The following CDH20 variants were observed in gnomAD, a reference collection of about 807,000 sequenced individuals.
CDH20 encodes the protein cadherin-20.
In CDH20, 29 loss-of-function variants were observed where a neutral mutation model predicts 74.2. The ratio of observed to expected loss-of-function variants is 0.39; its 90% CI spans 0.29 to 0.53. The LOEUF (loss-of-function observed/expected upper bound fraction) is 0.53, where lower values mean the gene tolerates loss of function less well. Ranked by LOEUF, CDH20 falls within the 20% of genes least tolerant of loss-of-function variation. The pLI is 0.69. For synonymous variants in CDH20, 469 were observed against 405.4 expected, an observed-to-expected ratio of 1.16 and a Z score of -1.88; for missense variants, 988 against 1,048.3, an observed-to-expected ratio of 0.94 and a Z score of 0.79.
chr18:61,492,306 C>A (rs1347256281), intron 2 of CDH20, among the ~76,000 whole-genome samples: 1 of 152,120 alleles, frequency 6.6e-6, no homozygotes, highest in African/African-American at 2.4e-5. Context: ...CCAAATCCTG[C>A]ATTTCTCTTA....
intron 1 of CDH20, among the ~76,000 whole-genome samples, chr18:61,368,564 T>G (rs1689763978): frequency 6.6e-6 from 1 of 151,990 alleles, no homozygotes; most frequent in African/African-American, 2.4e-5. Context: ...AAAACAAAAA[T>G]TTTTGGACAT....
intron 1 of CDH20, among the ~76,000 whole-genome samples, chr18:61,477,938 C>A (rs1910449573): frequency 6.6e-6 from 1 of 152,146 alleles, no homozygotes; most frequent in African/African-American, 2.4e-5. Context: ...CGGTGGCTCA[C>A]TCCTGTAATC....
chr18:61,429,653 C>G (rs936407294), intron 1 of CDH20, among the ~76,000 whole-genome samples: 1 of 152,148 alleles, frequency 6.6e-6, no homozygotes, highest in African/African-American at 2.4e-5. Context: ...CACCTCTTCT[C>G]CCCAGCACAC....
At chr18:61,534,032 AT>A (rs146807517) in intron 7 of CDH20, among the ~76,000 whole-genome samples, 19,065 of 152,182 alleles carry the variant, frequency 0.13, 1,480 homozygotes, top group Non-Finnish European at 0.17. Flanking sequence ...TTGTAATATT[AT>A]TTCAAAATTA....
At chr18:61,416,198 A>G (rs190931880) in intron 1 of CDH20, among the ~76,000 whole-genome samples, 38 of 152,336 alleles carry the variant, frequency 2.5e-4, no homozygotes, top group African/African-American at 9.1e-4. Flanking sequence ...GGCTTTGAAT[A>G]AATAATAACT....
At chr18:61,370,441 T>C (rs1910996550) in intron 1 of CDH20, among the ~76,000 whole-genome samples, 1 of 152,134 alleles carries the variant, frequency 6.6e-6, no homozygotes, top group Admixed American at 6.6e-5. Flanking sequence ...TTTTCATAAT[T>C]GATATTTTAA....
At chr18:61,510,980 C>CTTTTTTTTTTTTTTT (rs112741210) in intron 6 of CDH20, among the ~76,000 whole-genome samples, 7 of 135,988 alleles carry the variant, frequency 5.1e-5, no homozygotes, top group East Asian at 2.2e-4. Flanking sequence ...TTCTTTCTTT[C>CTTTTTTTTTTTTTTT]TTTTTTTTTT....
chr18:61,342,085 A>C (rs1212916344), intron 1 of CDH20, among the ~76,000 whole-genome samples: 1 of 152,200 alleles, frequency 6.6e-6, no homozygotes. Flanking sequence ...GGAGCTGGCT[A>C]ACATTTGAAG....
rs1911033353 is a variant in CDH20 at position 61,371,395 on chromosome 18, T to C, written c.-153+37568T>C. On this transcript the variant is annotated intron_variant, in intron 1 of 11. Transcript: ENST00000262717. ...TTATAGGTGCTGTATAGTGAATCAC[T>C]ACAATCTTCTTTGAGGTTGTTATCC... Among the ~76,000 whole-genome samples the C allele has an allele frequency of 2.6e-5, 4 of 152,192 alleles. No homozygotes were observed. In the South Asian group the frequency reaches 8.3e-4, roughly 32 times the overall value.
At chr18:61,429,925 C>G (rs1599079631) in intron 1 of CDH20, among the ~76,000 whole-genome samples, 1 of 152,256 alleles carries the variant, frequency 6.6e-6, no homozygotes, top group South Asian at 2.1e-4. Flanking sequence ...TGTAAGCATC[C>G]TGACACTTTG....
intron 1 of CDH20, among the ~76,000 whole-genome samples, chr18:61,423,836 T>C (rs1912975762): frequency 6.6e-6 from 1 of 152,238 alleles, no homozygotes; most frequent in Non-Finnish European, 1.5e-5. Flanking sequence ...TGACAGTGTT[T>C]TATAGTTTTC....
intron 1 of CDH20, among the ~76,000 whole-genome samples, chr18:61,478,059 C>T (rs766350428): frequency 2.4e-4 from 37 of 151,964 alleles, no homozygotes; most frequent in East Asian, 7.7e-4. Context: ...GTTAGTCAGA[C>T]GTGGTGGCAC....
intron 1 of CDH20, among the ~76,000 whole-genome samples, chr18:61,365,708 G>T (rs1910834791): frequency 6.6e-6 from 1 of 152,084 alleles, no homozygotes. Flanking sequence ...TGTAGTTCTA[G>T]TAGGTTTACA....
intron 1 of CDH20, among the ~76,000 whole-genome samples, chr18:61,471,617 C>T (rs1910180242): frequency 6.6e-6 from 1 of 152,132 alleles, no homozygotes; most frequent in South Asian, 2.1e-4. Flanking sequence ...TGGAACTCCA[C>T]ACGTAGAAGC....
intron 1 of CDH20, among the ~76,000 whole-genome samples, chr18:61,409,776 G>A (rs1332236450): frequency 3.3e-5 from 5 of 152,138 alleles, no homozygotes; most frequent in Non-Finnish European, 7.4e-5. Context: ...TTGAAGTAAC[G>A]AATATTAATA....
intron 1 of CDH20, among the ~76,000 whole-genome samples, chr18:61,471,796 T>G (rs971954412): frequency 6.6e-6 from 1 of 152,170 alleles, no homozygotes; most frequent in Non-Finnish European, 1.5e-5. Flanking sequence ...AATGACAGGT[T>G]TCTTAGGGAG....
At chr18:61,386,998 C>G (rs1252490332) in intron 1 of CDH20, among the ~76,000 whole-genome samples, 2 of 152,120 alleles carry the variant, frequency 1.3e-5, no homozygotes, top group Non-Finnish European at 2.9e-5. Flanking sequence ...TGTTATAACT[C>G]TTATACTTAA....
chr18:61,545,870 C>T (rs527486390), intron 10 of CDH20, among the ~76,000 whole-genome samples: 7 of 152,206 alleles, frequency 4.6e-5, no homozygotes, highest in South Asian at 2.1e-4. Context: ...AACTGCTCCC[C>T]GCTATAGCTT....
intron 1 of CDH20, among the ~76,000 whole-genome samples, chr18:61,358,540 G>T (rs1464278512): frequency 6.6e-6 from 1 of 151,928 alleles, no homozygotes; most frequent in African/African-American, 2.4e-5. Flanking sequence ...CCTGTATTTT[G>T]TCTGCTACAT....
Sources: gnomAD v4.1 joint callset for allele counts (sites outside exome capture counted in the v4.1 genomes callset) on GRCh38, gnomAD v4.1.1 for gene constraint, MANE v1.5 for transcripts, NCBI Gene and HGNC (gene_info 2026-07-23, HGNC 2026-07-21) for gene names.